Variants in B4GALNT4 observed in about 807,000 individuals in gnomAD.
The protein encoded by B4GALNT4 is beta-1,4-N-acetyl-galactosaminyltransferase 4.
Under a neutral mutation model 110.0 loss-of-function variants are expected in B4GALNT4, and 77 were observed. That is an observed-to-expected ratio of 0.70 (90% CI 0.58 to 0.85). B4GALNT4 has a LOEUF of 0.85. Ranked by LOEUF, B4GALNT4 falls within the 40% of genes least tolerant of loss-of-function variation. The probability of loss-of-function intolerance (pLI) is 0.00; values close to 1 mark genes in which losing one functional copy is unlikely to be tolerated. For synonymous variants in B4GALNT4, 785 were observed against 655.5 expected, an observed-to-expected ratio of 1.20 and a Z score of -3.02; for missense variants, 1,575 against 1,506.0, an observed-to-expected ratio of 1.05 and a Z score of -0.76.
intron 1 of B4GALNT4, 70 bp downstream of exon 1, chr11:370,024 C>A (rs1312968762): frequency 1.1e-5 from 1 of 87,416 alleles, no homozygotes; most frequent in Non-Finnish European, 2.3e-5. Flanking sequence ...GCGCGGGCGG[C>A]GCGGGGGGCG....
Position 373,179 on chromosome 11 carries a change from C to T in B4GALNT4, c.536-12C>T. On this transcript the variant is annotated splice_polypyrimidine_tract_variant and intron_variant, in intron 5 of 19. Coordinates refer to ENST00000329962, the MANE Select transcript of B4GALNT4 (RefSeq NM_178537.5). ...GAGGCTCCACCCCCCTGAGCCTAGT[C>T]TTGTGGACTAGGAGACGTCCAGTTT... 6.2e-7 allele frequency: 1 copy of T among 1,612,476 alleles called. No homozygotes were observed. Among genetic ancestry groups the T allele is most frequent in the Non-Finnish European group, 8.5e-7 (1 of 1,179,768 alleles).
chr11:380,380 G>A lies in B4GALNT4; in HGVS notation c.2804G>A (p.Gly935Asp), dbSNP rs1161215903. ...LDGIRKHCVEGRLAFAPVVMR... is the reference protein window; with the variant it reads ...LDGIRKHCVEDRLAFAPVVMR... ...GGCATCCGCAAGCACTGCGTGGAGG[G>A]CAGGCTGGCCTTCGCGCCCGTGGTC... Residue 935 changes from glycine (G) to aspartate (D), a missense_variant, in exon 18 of 20, where the codon GGC becomes GAC. Physicochemically the swap from Gly to Asp is moderately conservative, Grantham distance 94. Coordinates refer to ENST00000329962, the MANE Select transcript of B4GALNT4 (RefSeq NM_178537.5). 1 of 1,613,190 alleles carries A rather than the reference G, an allele frequency of 6.2e-7. No individual in the cohort carries two copies. The highest frequency in any genetic ancestry group is 8.5e-7 in the Non-Finnish European group (1 of 1,179,744).
chr11:371,442 C>A (rs1846617424), intron 1 of B4GALNT4, among the ~76,000 whole-genome samples: 1 of 152,166 alleles, frequency 6.6e-6, no homozygotes, highest in Admixed American at 6.5e-5. Flanking sequence ...CCACTGCAGC[C>A]CCAGGGGGTT....
At chr11:373,866 C>T in intron 8 of B4GALNT4, 38 bp downstream of exon 8, 1 of 1,591,408 alleles carries the variant, frequency 6.3e-7, no homozygotes, top group Non-Finnish European at 8.6e-7. Flanking sequence ...CTGGAGACTC[C>T]ACTCCCCCCA....
In B4GALNT4 at chr11:373,286, G is replaced by A; in HGVS notation, c.631G>A (p.Gly211Ser). The A allele has an allele frequency of 6.2e-7, 1 of 1,608,482 alleles. No homozygotes were observed. Among genetic ancestry groups the A allele is most frequent in the South Asian group, 1.1e-5 (1 of 90,958 alleles). Residue 211 changes from glycine to serine, a missense_variant, in exon 6 of 20, where the codon GGC becomes AGC. Physicochemically the swap from Gly to Ser is moderately conservative, Grantham distance 56. Transcript: ENST00000329962. Reference sequence around the variant, plus strand: ...TGCTGCCCAGCTTGTGGCCTTTGTGGGCAAGGTACCCCCACCCCAGCCCTG... The same window carrying A: ...TGCTGCCCAGCTTGTGGCCTTTGTGAGCAAGGTACCCCCACCCCAGCCCTG... ...PAAAQLVAFV[G>S]KTGSEWTAPG...
intron 14 of B4GALNT4, 103 bp from the exon 15 acceptor site, chr11:379,315 G>T: frequency 1.5e-6 from 2 of 1,314,560 alleles, no homozygotes; most frequent in Non-Finnish European, 9.9e-7. Flanking sequence ...CGCAGCCTCC[G>T]CCAACTCCAA....
Position 380,333 on chromosome 11 carries a change from C to T in B4GALNT4, c.2757C>T (p.His919=), listed in dbSNP as rs763257124. Residue 919 remains histidine, a synonymous_variant, in exon 18 of 20, where the codon CAC becomes CAT. Transcript: ENST00000329962. ...SIVFLCDLHI[H]FPPNILDGIR... ...TGTTCCTCTGCGACCTGCACATCCA[C>T]TTCCCACCCAACATCCTGGACGGCA... The T allele has an allele frequency of 5.6e-6, 9 of 1,613,288 alleles. No homozygotes were observed. In the Admixed American group the frequency reaches 1.3e-4, roughly 24 times the overall value.
At chr11:377,403 G>T in intron 14 of B4GALNT4, 76 bp downstream of exon 14, 3 of 1,400,586 alleles carry the variant, frequency 2.1e-6, no homozygotes. Flanking sequence ...CCTGGCCTTG[G>T]CGGACTCCTC....
Position 380,319 on chromosome 11 carries a change from G to A in B4GALNT4, c.2743G>A (p.Asp915Asn). The A allele has an allele frequency of 1.9e-6, 3 of 1,613,230 alleles. No homozygotes were observed. Among genetic ancestry groups the A allele is most frequent in the Non-Finnish European group, 2.5e-6 (3 of 1,179,718 alleles). Residue 915 changes from aspartate to asparagine, a missense_variant, in exon 18 of 20, where the codon GAC becomes AAC. Physicochemically the swap from Asp to Asn is conservative, Grantham distance 23 (BLOSUM62 1). Coordinates refer to ENST00000329962, the MANE Select transcript of B4GALNT4 (RefSeq NM_178537.5). ...EDASSIVFLC[D>N]LHIHFPPNIL... ...CGCCAGCAGCATCGTGTTCCTCTGCGACCTGCACATCCACTTCCCACCCAA... is the reference window on the plus strand; with the variant it reads ...CGCCAGCAGCATCGTGTTCCTCTGCAACCTGCACATCCACTTCCCACCCAA...
chr11:379,497 G>GAGCTGC lies in B4GALNT4; in HGVS notation c.2287_2292dup (p.Leu763_Gln764dup). On this transcript the variant is annotated inframe_insertion, in exon 15 of 20. Coordinates refer to ENST00000329962, the MANE Select transcript of B4GALNT4 (RefSeq NM_178537.5). ...AGGGAGTCGCTTCCTGCTGGAGCTG[G>GAGCTGC]AGCTGCAGGAGCGCGGGGGCGGCCG... 6.4e-7 allele frequency: 1 copy of GAGCTGC among 1,574,454 alleles called. No individual in the cohort carries two copies. The highest frequency in any genetic ancestry group is 1.1e-5 in the South Asian group (1 of 87,690).
In B4GALNT4 at chr11:369,958, CGGCGCGGGG is replaced by C. The variant is rs1166022338; in HGVS notation, c.151+27_151+35del. 709 of 720,254 alleles carry C rather than the reference CGGCGCGGGG, an allele frequency of 9.8e-4. 4 individuals carry two copies. In the East Asian group the frequency reaches 0.013, roughly 13 times the overall value. 44.6% of individuals were successfully genotyped at this position (720,254 alleles called of 1,614,324 possible). A position where few individuals can be genotyped will look rare whatever the true frequency, so the allele number is the denominator to read the frequency against. ...CAGCGCCTGGGCTACGGGCGAGGTA[CGGCGCGGGG>C]GGCGCGGGGGGCGCGGGGGGCGGGG... On this transcript the variant is annotated splice_donor_5th_base_variant and intron_variant, in intron 1 of 19. Coordinates refer to ENST00000329962, the MANE Select transcript of B4GALNT4 (RefSeq NM_178537.5).
rs956946168 is a variant in B4GALNT4, at chr11:379,940, C to T, written c.2563C>T (p.Arg855Cys). 3.1e-6 allele frequency: 5 copies of T among 1,611,980 alleles called. No individual in the cohort carries two copies. Among genetic ancestry groups the T allele is most frequent in the East Asian group, 4.5e-5 (2 of 44,864 alleles). ...AALHARTGDSRFSVVLVDFES... is the reference protein window; with the variant it reads ...AALHARTGDSCFSVVLVDFES... ...GCTGCACGCGCGCACCGGGGACTCG[C>T]GTTTCAGCGTCGTCCTGGTGGATTT... The change falls in exon 16 of 20, where the codon CGT (arginine) becomes TGT (cysteine). Residue 855 changes from arginine to cysteine, a missense_variant. Physicochemically the swap from Arg to Cys is radical, Grantham distance 180. Coordinates refer to ENST00000329962, the MANE Select transcript of B4GALNT4 (RefSeq NM_178537.5).
chr11:377,979 G>A (rs941238805), intron 14 of B4GALNT4, among the ~76,000 whole-genome samples: 6 of 152,258 alleles, frequency 3.9e-5, no homozygotes, highest in African/African-American at 1.4e-4. Flanking sequence ...AGCCTTGAAG[G>A]CGAGTTAGGA....
At chr11:380,576 C>G in intron 18 of B4GALNT4, 131 bp downstream of exon 18, 1 of 1,359,618 alleles carries the variant, frequency 7.4e-7, no homozygotes, top group Non-Finnish European at 1.0e-6. Flanking sequence ...CCGTAGTGCC[C>G]AGAGCCCCAG....
intron 14 of B4GALNT4, among the ~76,000 whole-genome samples, chr11:378,284 G>A (rs1318301891): frequency 1.3e-5 from 2 of 152,188 alleles, no homozygotes; most frequent in Non-Finnish European, 2.9e-5. Flanking sequence ...TGCCTGGAGG[G>A]GAAGGGAAGG....
At chr11:380,692 G>A in intron 18 of B4GALNT4, 133 bp from the exon 19 acceptor site, 1 of 1,454,584 alleles carries the variant, frequency 6.9e-7, no homozygotes, top group Non-Finnish European at 9.6e-7. Context: ...AGTACCACCG[G>A]ACGACTCCCG....
At position 376,311 on chromosome 11, in the gene B4GALNT4, C is replaced by A; in HGVS notation, c.1257C>A (p.Asp419Glu). The A allele has an allele frequency of 6.2e-7, 1 of 1,610,152 alleles. No individual in the cohort carries two copies. Among genetic ancestry groups the A allele is most frequent in the Non-Finnish European group, 8.5e-7 (1 of 1,178,420 alleles). The change falls in exon 13 of 20, where the codon GAC (aspartate) becomes GAA (glutamate). Residue 419 changes from aspartate to glutamate, a missense_variant. Coordinates refer to ENST00000329962, the MANE Select transcript of B4GALNT4 (RefSeq NM_178537.5). ...AGGAGGGGGATGAGGATGAAGAAGA[C>A]GAGGTGCAGCGCCGAGCCTTCCTCT... The part of the protein sequence containing the change: ...DKEEGDEDEE[D>E]EVQRRAFLFL...
chr11:375,025 AG>A (rs1483290001), intron 8 of B4GALNT4, among the ~76,000 whole-genome samples: 141 of 332 alleles, frequency 0.42, 61 homozygotes, highest in South Asian at 0.9. Flanking sequence ...GAAGGGAGGG[AG>A]GGAGGTGGAA....
chr11:370,079 C>T (rs1331638417), intron 1 of B4GALNT4, 125 bp downstream of exon 1: 1 of 151,764 alleles, frequency 6.6e-6, no homozygotes, highest in African/African-American at 2.5e-5. Context: ...GGCCGGGCCT[C>T]CCACCGCACA....
Sources: gnomAD v4.1 joint callset for allele counts (sites outside exome capture counted in the v4.1 genomes callset) on GRCh38, gnomAD v4.1.1 for gene constraint, MANE v1.5 for transcripts, NCBI Gene and HGNC (gene_info 2026-07-23, HGNC 2026-07-21) for gene names.